The following PCGF5 variants were observed in gnomAD, a reference collection of about 807,000 sequenced individuals.
The protein encoded by PCGF5 is polycomb group RING finger protein 5.
Under a neutral mutation model 44.3 loss-of-function variants are expected in PCGF5, and 9 were observed. That is an observed-to-expected ratio of 0.20 (90% CI 0.12 to 0.35). The LOEUF is 0.35. Ranked by LOEUF, PCGF5 falls within the 10% of genes least tolerant of loss-of-function variation. PCGF5 has a pLI of 1.00. For missense variants in PCGF5, 146 were observed against 305.3 expected, an observed-to-expected ratio of 0.48 and a Z score of 3.89; for synonymous variants, 95 against 102.5, an observed-to-expected ratio of 0.93 and a Z score of 0.44.
intron 2 of PCGF5, chr10:91,227,413 G>A: frequency 7.8e-7 from 1 of 1,289,404 alleles, no homozygotes; most frequent in Non-Finnish European, 1.0e-6. Flanking sequence ...ATGATCAAAT[G>A]GGATGCCAGC....
At chr10:91,229,852 G>C (rs1392275333) in intron 2 of PCGF5, among the ~76,000 whole-genome samples, 1 of 152,066 alleles carries the variant, frequency 6.6e-6, no homozygotes, top group Non-Finnish European at 1.5e-5. Flanking sequence ...CTCAGTAGGT[G>C]CAAATATAAT....
chr10:91,182,610 C>T (rs963783240), intron 1 of PCGF5, among the ~76,000 whole-genome samples: 1 of 151,966 alleles, frequency 6.6e-6, no homozygotes, highest in Non-Finnish European at 1.5e-5. Flanking sequence ...CCTCTTGGTT[C>T]TCCAGTTCTT....
intron 1 of PCGF5, among the ~76,000 whole-genome samples, chr10:91,183,237 T>C (rs1368441176): frequency 6.6e-6 from 1 of 152,212 alleles, no homozygotes; most frequent in Non-Finnish European, 1.5e-5. Flanking sequence ...TAAGTTTCTA[T>C]TAGGGTCTCT....
intron 1 of PCGF5, among the ~76,000 whole-genome samples, chr10:91,213,346 G>A (rs1844486052): frequency 6.6e-6 from 1 of 152,120 alleles, no homozygotes. Flanking sequence ...GTATGTATTT[G>A]TATATACGTA....
At chr10:91,177,180 C>G (rs1037629857) in intron 1 of PCGF5, among the ~76,000 whole-genome samples, 1 of 152,214 alleles carries the variant, frequency 6.6e-6, no homozygotes, top group Non-Finnish European at 1.5e-5. Flanking sequence ...ACTTCAGACC[C>G]TGTTTGCCTG....
At position 91,185,420 on chromosome 10, in the gene PCGF5, G is replaced by A. The variant is rs1014546693; in HGVS notation, c.-184+22339G>A. Among the ~76,000 whole-genome samples, 35 of 152,350 alleles carry A rather than the reference G, an allele frequency of 2.3e-4. 1 individual carries two copies. The highest frequency in any genetic ancestry group is 7.8e-4 in the Admixed American group (12 of 15,308). ...CCCTTCCCCCAGGAACTGTGTCACA[G>A]CTCCATGCAACACTGTTGTCCGTGC... On this transcript the variant is annotated intron_variant, in intron 1 of 9. Transcript: ENST00000614189.
At chr10:91,182,701 A>G (rs1469643385) in intron 1 of PCGF5, among the ~76,000 whole-genome samples, 2 of 152,142 alleles carry the variant, frequency 1.3e-5, no homozygotes, top group Admixed American at 6.5e-5. Context: ...TTTCCCTCTT[A>G]ACACTGCCTT....
chr10:91,203,927 G>A (rs1844297687), intron 1 of PCGF5, among the ~76,000 whole-genome samples: 1 of 152,134 alleles, frequency 6.6e-6, no homozygotes, highest in African/African-American at 2.4e-5. Context: ...TGAAATGAGC[G>A]TTATGTCAGT....
At chr10:91,173,412 G>T (rs953682800) in intron 1 of PCGF5, among the ~76,000 whole-genome samples, 1 of 151,952 alleles carries the variant, frequency 6.6e-6, no homozygotes, top group Non-Finnish European at 1.5e-5. Flanking sequence ...TTTTTGTATT[G>T]TAAAATATAA....
At chr10:91,189,327 T>C (rs932835539) in intron 1 of PCGF5, among the ~76,000 whole-genome samples, 2 of 152,228 alleles carry the variant, frequency 1.3e-5, no homozygotes, top group Non-Finnish European at 2.9e-5. Context: ...TGTTCATACC[T>C]ATCTCCACTA....
intron 2 of PCGF5, among the ~76,000 whole-genome samples, chr10:91,238,601 CTTTTTTTTTTTTTTTTTT>C (rs71487496): frequency 3.4e-5 from 2 of 58,442 alleles, no homozygotes; most frequent in South Asian, 7.9e-4. Context: ...TTCTTTCTTT[CTTTTTTTTTTTTTTTTTT>C]TTTTTTTTTT....
At chr10:91,218,228 G>A (rs1037310249), upstream of PCGF5, among the ~76,000 whole-genome samples, 4 of 152,158 alleles carry the variant, frequency 2.6e-5, no homozygotes, top group South Asian at 2.1e-4. Flanking sequence ...AATTCACCAC[G>A]TCTCAGGATC....
chr10:91,226,953 A>C (rs1357463719), intron 2 of PCGF5, among the ~76,000 whole-genome samples: 1 of 152,120 alleles, frequency 6.6e-6, no homozygotes, highest in East Asian at 1.9e-4. Context: ...TTCAAACACA[A>C]ATGAGTTTTA....
At chr10:91,216,998 A>G (rs143621499), upstream of PCGF5, among the ~76,000 whole-genome samples, 24 of 152,298 alleles carry the variant, frequency 1.6e-4, 2 homozygotes, top group East Asian at 4.6e-3. Flanking sequence ...AATATTAAAC[A>G]GCATTCTTAG....
At chr10:91,269,452 AT>A (rs1846124450) in intron 8 of PCGF5, among the ~76,000 whole-genome samples, 1 of 152,192 alleles carries the variant, frequency 6.6e-6, no homozygotes. Context: ...CTTTGAAACA[AT>A]TTTTAATACA....
At chr10:91,226,289 T>TAAAAAAGAAAA (rs1844835210) in intron 2 of PCGF5, among the ~76,000 whole-genome samples, 1 of 75,140 alleles carries the variant, frequency 1.3e-5, no homozygotes, top group Non-Finnish European at 2.4e-5. Context: ...TTAAGAAATG[T>TAAAAAAGAAAA]AAAAAAAAAA....
chr10:91,213,843 A>G (rs1304327803), intron 1 of PCGF5, among the ~76,000 whole-genome samples: 2 of 152,204 alleles, frequency 1.3e-5, no homozygotes, highest in Admixed American at 6.5e-5. Context: ...AACATTAAAC[A>G]GATTTATTCT....
intron 8 of PCGF5, among the ~76,000 whole-genome samples, chr10:91,265,098 C>A (rs962683547): frequency 2.1e-4 from 32 of 152,068 alleles, no homozygotes; most frequent in African/African-American, 6.0e-4. Context: ...CAAAGAAAAC[C>A]CAAAAAACCC....
chr10:91,236,233 C>CA (rs1845159871), intron 2 of PCGF5, among the ~76,000 whole-genome samples: 1 of 152,164 alleles, frequency 6.6e-6, no homozygotes, highest in Admixed American at 6.5e-5. Context: ...ATCTTTGCTG[C>CA]ACAGCTGTGC....
Sources: gnomAD v4.1 joint callset for allele counts (sites outside exome capture counted in the v4.1 genomes callset) on GRCh38, gnomAD v4.1.1 for gene constraint, MANE v1.5 for transcripts, NCBI Gene and HGNC (gene_info 2026-07-23, HGNC 2026-07-21) for gene names.